NRXN1: variants seen among roughly 807,000 people sequenced by gnomAD.
NRXN1 encodes the protein neurexin-1.
A neutral mutation model predicts 150.9 loss-of-function variants in NRXN1; 39 were observed. That is an observed-to-expected ratio of 0.26 (90% CI 0.20 to 0.34). The LOEUF is 0.34. Ranked by LOEUF, NRXN1 falls within the 10% of genes least tolerant of loss-of-function variation. NRXN1 has a pLI of 1.00. For synonymous variants in NRXN1, 924 were observed against 757.0 expected, an observed-to-expected ratio of 1.22 and a Z score of -3.62; for missense variants, 1,815 against 1,949.9, an observed-to-expected ratio of 0.93 and a Z score of 1.30.
At chr2:50,476,850 G>A (rs964979635) in intron 15 of NRXN1, among the ~76,000 whole-genome samples, 3 of 152,026 alleles carry the variant, frequency 2.0e-5, no homozygotes, top group African/African-American at 7.2e-5. Context: ...TAGGAAAGTT[G>A]CTTGACAAAT....
intron 2 of NRXN1, among the ~76,000 whole-genome samples, chr2:50,955,338 G>A (rs886558982): frequency 3.3e-5 from 5 of 152,142 alleles, no homozygotes; most frequent in African/African-American, 1.2e-4. Context: ...GCTCTTCAGT[G>A]GAGTTCAAAG....
At chr2:49,987,177 T>TC (rs1432295259) in intron 21 of NRXN1, among the ~76,000 whole-genome samples, 2 of 152,122 alleles carry the variant, frequency 1.3e-5, no homozygotes, top group Non-Finnish European at 2.9e-5. Flanking sequence ...TATTCTTACT[T>TC]CCCCCTTTAC....
rs114178387 is a variant in NRXN1 at position 50,718,754 on chromosome 2, A to G, written c.833-95139T>C. Among the ~76,000 whole-genome samples, 1,437 of 152,206 alleles carry G rather than the reference A, an allele frequency of 9.4e-3. 26 individuals are homozygous for G. Among genetic ancestry groups the G allele is most frequent in the African/African-American group, 0.032 (1,347 of 41,536 alleles). On this transcript the variant is annotated intron_variant, in intron 5 of 22. Transcript: ENST00000401669. Reference sequence around the variant, plus strand: ...ATGTGCCTGCGTGTGTGTGAAATAAAAATTTCATACTTGAGAGAACTATGG... The same window carrying G: ...ATGTGCCTGCGTGTGTGTGAAATAAGAATTTCATACTTGAGAGAACTATGG...
intron 2 of NRXN1, among the ~76,000 whole-genome samples, chr2:51,011,301 T>C (rs762226979): frequency 1.1e-4 from 16 of 152,080 alleles, no homozygotes; most frequent in Non-Finnish European, 2.1e-4. Flanking sequence ...ACTCCTACAG[T>C]GGGCCAGACT....
intron 18 of NRXN1, among the ~76,000 whole-genome samples, chr2:50,219,156 G>T (rs1267326900): frequency 6.6e-6 from 1 of 151,854 alleles, no homozygotes; most frequent in East Asian, 1.9e-4. Context: ...TCTCAATTAG[G>T]TATTGCAGAT....
At chr2:50,007,409 A>G (rs7573588) in intron 21 of NRXN1, among the ~76,000 whole-genome samples, 78,863 of 151,600 alleles carry the variant, frequency 0.52, 20,864 homozygotes, top group Middle Eastern at 0.63. Flanking sequence ...AGGCCCTGGT[A>G]TGTGATGTTC....
rs190719938 is a variant in NRXN1, at chr2:50,878,913, A to C, written c.832+42956T>G. Among the ~76,000 whole-genome samples, 11 of 152,122 alleles carry C rather than the reference A, an allele frequency of 7.2e-5. No homozygotes were observed. The East Asian group carries it at 1.9e-3, about 27-fold the overall frequency. ...AGTACTATTAATACAACATTTTAAC[A>C]AAAGGTGGGAGTAGTAAAGATTTGT... On this transcript the variant is annotated intron_variant, in intron 5 of 22. Coordinates refer to ENST00000401669, the MANE Select transcript of NRXN1 (RefSeq NM_001330078.2).
chr2:50,002,499 T>C (rs757469469), intron 21 of NRXN1, among the ~76,000 whole-genome samples: 6 of 152,158 alleles, frequency 3.9e-5, no homozygotes, highest in Admixed American at 2.0e-4. Flanking sequence ...TCAGTGATAG[T>C]TGTTTTTCCA....
chr2:50,580,464 A>G (rs1204078376), intron 8 of NRXN1, among the ~76,000 whole-genome samples: 1 of 152,236 alleles, frequency 6.6e-6, no homozygotes, highest in African/African-American at 2.4e-5. Flanking sequence ...AATTATTTTT[A>G]GTTGTTACTT....
At chr2:50,072,020 C>CTA (rs1277564899) in intron 19 of NRXN1, among the ~76,000 whole-genome samples, 1 of 152,106 alleles carries the variant, frequency 6.6e-6, no homozygotes, top group Non-Finnish European at 1.5e-5. Context: ...ATGACTAAAA[C>CTA]TATAAAATAA....
intron 21 of NRXN1, among the ~76,000 whole-genome samples, chr2:49,951,672 A>C (rs1033438363): frequency 1.3e-5 from 2 of 152,062 alleles, no homozygotes; most frequent in African/African-American, 4.8e-5. Context: ...TTACAAATGT[A>C]AATTTAGGCT....
chr2:50,933,380 T>TA (rs1160802051), intron 2 of NRXN1, among the ~76,000 whole-genome samples: 1 of 152,078 alleles, frequency 6.6e-6, no homozygotes, highest in Non-Finnish European at 1.5e-5. Context: ...GCAAATTTGG[T>TA]AAAAAATATT....
At position 50,538,302 on chromosome 2, in the gene NRXN1, A is replaced by G. The variant is rs1355382714; in HGVS notation, c.2094T>C (p.Tyr698=). 2 of 1,613,898 alleles carry G rather than the reference A, an allele frequency of 1.2e-6. No homozygotes were observed. The highest frequency in any genetic ancestry group is 3.3e-5 in the Admixed American group (2 of 60,010). ...NGMCRDGWNR[Y]VCDCSGTGYL... The stretch of plus-strand genomic sequence containing the variant: ...AGCCTGTTCCGGAACAATCACAGAC[A>G]TATCTGTTCCACCCATCCCTGCACA... Residue 698 remains tyrosine (Y), a synonymous_variant, in exon 10 of 23, where the codon TAT becomes TAC. Coordinates refer to ENST00000401669, the MANE Select transcript of NRXN1 (RefSeq NM_001330078.2).
intron 21 of NRXN1, among the ~76,000 whole-genome samples, chr2:49,989,323 C>T (rs1681508084): frequency 6.6e-6 from 1 of 152,156 alleles, no homozygotes; most frequent in African/African-American, 2.4e-5. Context: ...AGTCATTCAA[C>T]AAACATGTAT....
chr2:50,041,824 C>T (rs527250523), intron 21 of NRXN1, among the ~76,000 whole-genome samples: 1 of 152,272 alleles, frequency 6.6e-6, no homozygotes, highest in East Asian at 1.9e-4. Context: ...CCCTCCTCCA[C>T]CTTGGTACGG....
At chr2:50,276,310 T>C (rs574809620) in intron 17 of NRXN1, among the ~76,000 whole-genome samples, 1 of 152,272 alleles carries the variant, frequency 6.6e-6, no homozygotes, top group South Asian at 2.1e-4. Flanking sequence ...GCTGTCTCTT[T>C]GGACCAATAA....
intron 17 of NRXN1, among the ~76,000 whole-genome samples, chr2:50,251,392 T>C (rs1322418544): frequency 2.0e-5 from 3 of 152,136 alleles, no homozygotes; most frequent in Non-Finnish European, 4.4e-5. Flanking sequence ...TAGTATTCCA[T>C]AGTGTAATGT....
At chr2:50,806,774 G>C (rs1242820420) in intron 5 of NRXN1, among the ~76,000 whole-genome samples, 1 of 151,920 alleles carries the variant, frequency 6.6e-6, no homozygotes, top group Non-Finnish European at 1.5e-5. Flanking sequence ...TACTAGTCCT[G>C]CCTAAAGTTT....
intron 10 of NRXN1, among the ~76,000 whole-genome samples, chr2:50,533,007 T>C (rs918553362): frequency 1.3e-5 from 2 of 152,192 alleles, no homozygotes; most frequent in Non-Finnish European, 1.5e-5. Context: ...GATACAACTG[T>C]GTTCAATATT....
Sources: gnomAD v4.1 joint callset for allele counts (sites outside exome capture counted in the v4.1 genomes callset) on GRCh38, gnomAD v4.1.1 for gene constraint, MANE v1.5 for transcripts, NCBI Gene and HGNC (gene_info 2026-07-23, HGNC 2026-07-21) for gene names.